The following FLCN variants were observed in gnomAD, a reference collection of about 807,000 sequenced individuals.
The protein encoded by FLCN is folliculin, also known as BHD skin lesion fibrofolliculoma protein.
FLCN carries 22 observed loss-of-function variants against 62.5 expected under a neutral mutation model. That is an observed-to-expected ratio of 0.35 (90% CI 0.25 to 0.50). The LOEUF (loss-of-function observed/expected upper bound fraction) is 0.50, where lower values mean the gene tolerates loss of function less well. Ranked by LOEUF, FLCN falls within the 20% of genes least tolerant of loss-of-function variation. The pLI, the probability that FLCN is intolerant of heterozygous loss-of-function variation, is 0.97. For missense variants in FLCN, 657 were observed against 778.0 expected, an observed-to-expected ratio of 0.84 and a Z score of 1.85; for synonymous variants, 319 against 310.0, an observed-to-expected ratio of 1.03 and a Z score of -0.30.
At chr17:17,218,515 G>C (rs1597590060) in intron 9 of FLCN, among the ~76,000 whole-genome samples, 1 of 151,666 alleles carries the variant, frequency 6.6e-6, no homozygotes, top group East Asian at 1.9e-4. Context: ...CCTCCAAGTA[G>C]CTGGGACTAC....
In FLCN at chr17:17,216,639, A is replaced by C; in HGVS notation, c.1177-136T>G. On this transcript the variant is annotated intron_variant, in intron 10 of 13. Transcript: ENST00000285071. This position sits in a 1 kb window ranked among gnomAD's most constrained non-coding sequence, Gnocchi z 4.0. ...TCCCTCCTGCCAGAGGAGTCCCCAG[A>C]CTCTCAGCCCACAGTGGGGGTGAGG... is the stretch of plus-strand genomic sequence containing the variant. 7.2e-7 allele frequency: 1 copy of C among 1,392,076 alleles called. No homozygotes were observed. Among genetic ancestry groups the C allele is most frequent in the African/African-American group, 1.4e-5 (1 of 70,130 alleles). The allele number at this position is 1,392,076 out of a possible 1,614,324, so 86.2% of individuals were successfully genotyped here.
Position 17,226,230 on chromosome 17 carries a change from G to T in FLCN, c.342C>A (p.His114Gln), listed in dbSNP as rs1448942524. 4 of 1,614,050 alleles carry T rather than the reference G, an allele frequency of 2.5e-6. No individual in the cohort carries two copies. In the East Asian group the frequency reaches 8.9e-5, roughly 36 times the overall value. Residue 114 changes from histidine (H) to glutamine (Q), a missense_variant, in exon 5 of 14, where the codon CAC (histidine) becomes CAA (glutamine). By Grantham distance (24) the His-to-Gln change is conservative. Coordinates refer to ENST00000285071, the MANE Select transcript of FLCN (RefSeq NM_144997.7). The stretch of plus-strand genomic sequence containing the variant: ...GGCGGACAATGCTGAAGAGCTGGGG[G>T]TGGCTGGGGTGCTGGTGGCTGACGT... ...IKYVSHQHPS[H>Q]PQLFSIVRQA...
chr17:17,216,921 C>T lies in FLCN; in HGVS notation c.1176+148G>A. 4.2e-6 allele frequency: 3 copies of T among 707,268 alleles called. No homozygotes were observed. The Admixed American group carries it at 6.1e-5, about 14-fold the overall frequency. The allele number at this position is 707,268 out of a possible 1,614,324, so 43.8% of individuals were successfully genotyped here. On this transcript the variant is annotated intron_variant, in intron 10 of 13. Transcript: ENST00000285071. The surrounding 1 kb of genome is among the most constrained non-coding windows in gnomAD (Gnocchi z 4.0). ...AAACATCATCAGACCAGACCCGGGTCTCCGTGCCCACTGCGCCCCCAGTGG... is the reference window on the plus strand; with the variant it reads ...AAACATCATCAGACCAGACCCGGGTTTCCGTGCCCACTGCGCCCCCAGTGG...
intron 3 of FLCN, among the ~76,000 whole-genome samples, chr17:17,231,013 A>G (rs2047405464): frequency 2.0e-5 from 3 of 152,118 alleles, no homozygotes; most frequent in African/African-American, 4.8e-5. Flanking sequence ...CCTGGCCAAC[A>G]TGGCAAAACC....
At chr17:17,228,526 C>T (rs181549149) in intron 3 of FLCN, 80 of 284,940 alleles carry the variant, frequency 2.8e-4, no homozygotes, top group African/African-American at 1.6e-3. Context: ...TAAAAGGCCA[C>T]AGGGAGAGGG....
Position 17,216,468 on chromosome 17 carries a change from T to C in FLCN, c.1212A>G (p.Pro404=). The C allele has an allele frequency of 1.2e-6, 2 of 1,613,796 alleles. No individual in the cohort carries two copies. The highest frequency in any genetic ancestry group is 8.5e-7 in the Non-Finnish European group (1 of 1,179,892). The change falls in exon 11 of 14, where the codon CCA becomes CCG. Residue 404 remains proline, a synonymous_variant. Transcript: ENST00000285071. The surrounding 1 kb of genome is among the most constrained non-coding windows in gnomAD (Gnocchi z 4.0). ...AGGCCTCCTCGTACTGGCTGCTGTATGGGATGATGCGGACGCAGCCCACGG... is the reference window on the plus strand; with the variant it reads ...AGGCCTCCTCGTACTGGCTGCTGTACGGGATGATGCGGACGCAGCCCACGG... ...MLPVGCVRII[P]YSSQYEEAYR...
intron 6 of FLCN, chr17:17,223,088 A>T: frequency 3.5e-6 from 1 of 282,470 alleles, no homozygotes; most frequent in South Asian, 3.6e-5. Context: ...AAGGAGCAAC[A>T]TTTTTTCCTT....
rs370074267 is a variant in FLCN at position 17,222,636 on chromosome 17, C to T, written c.644G>A (p.Cys215Tyr). Residue 215 changes from cysteine to tyrosine, a missense_variant, in exon 7 of 14, where the codon TGC becomes TAC. Cys to Tyr is a radical substitution (Grantham distance 194). Coordinates refer to ENST00000285071, the MANE Select transcript of FLCN (RefSeq NM_144997.7). ...GTTCATCCTCTGAGCACGCTGTGGGCATCCAAACTGCTCTGCCTCAAACAC... is the reference window on the plus strand; with the variant it reads ...GTTCATCCTCTGAGCACGCTGTGGGTATCCAAACTGCTCTGCCTCAAACAC... ...LKVFEAEQFG[C>Y]PQRAQRMNTA... is the part of the protein sequence containing the mutation. 3 of 1,614,084 alleles carry T rather than the reference C, an allele frequency of 1.9e-6. No homozygotes were observed. The African/African-American group carries it at 4.0e-5, about 22-fold the overall frequency.
intron 3 of FLCN, chr17:17,228,541 C>A: frequency 3.7e-6 from 1 of 269,170 alleles, no homozygotes; most frequent in Non-Finnish European, 7.3e-6. Context: ...AGAGGGTCCT[C>A]CACCCAATAC....
chr17:17,223,098 T>G, intron 6 of FLCN: 1 of 301,038 alleles, frequency 3.3e-6, no homozygotes, highest in Non-Finnish European at 6.6e-6. Flanking sequence ...ATTTTTTCCT[T>G]TCTTTTTTTT....
At position 17,223,996 on chromosome 17, in the gene FLCN, G is replaced by A. The variant is rs749368513; in HGVS notation, c.544C>T (p.Leu182Phe). 2 of 1,613,716 alleles carry A rather than the reference G, an allele frequency of 1.2e-6. No individual in the cohort carries two copies. Among genetic ancestry groups the A allele is most frequent in the Admixed American group, 3.3e-5 (2 of 60,026 alleles). ...AGCAGGAAGGGCCAGGAGTTGATGA[G>A]GTAGATCCGGTCCATCATGATGGTG... is the stretch of plus-strand genomic sequence containing the variant. ...IITIMMDRIY[L>F]INSWPFLLGK... Residue 182 changes from leucine (L) to phenylalanine (F), a missense_variant, in exon 6 of 14, where the codon CTC becomes TTC. By Grantham distance (22) the Leu-to-Phe change is conservative. Coordinates refer to ENST00000285071, the MANE Select transcript of FLCN (RefSeq NM_144997.7).
intron 3 of FLCN, among the ~76,000 whole-genome samples, chr17:17,231,180 A>G (rs2145089978): frequency 6.6e-6 from 1 of 152,354 alleles, no homozygotes; most frequent in African/African-American, 2.4e-5. Flanking sequence ...AGCCTGGGCG[A>G]CAGAGAGACT....
At position 17,216,300 on chromosome 17, in the gene FLCN, G is replaced by C. The variant is rs1034739750; in HGVS notation, c.1300+80C>G. ...GGCCTCCTCTCCACAACCCATGACA[G>C]AGATCTGGTTCCACTTTGGGCCTGA... On this transcript the variant is annotated intron_variant, in intron 11 of 13. Coordinates refer to ENST00000285071, the MANE Select transcript of FLCN (RefSeq NM_144997.7). The surrounding 1 kb of genome is among the most constrained non-coding windows in gnomAD (Gnocchi z 4.0). The C allele has an allele frequency of 6.3e-7, 1 of 1,592,474 alleles. No individual in the cohort carries two copies. The highest frequency in any genetic ancestry group is 8.6e-7 in the Non-Finnish European group (1 of 1,168,280).
rs761984486 is a variant in FLCN at position 17,219,091 on chromosome 17, G to C, written c.990C>G (p.Ser330=). The change falls in exon 9 of 14, where the codon TCC becomes TCG. Residue 330 remains serine (S), a synonymous_variant. Transcript: ENST00000285071. ...GCCAGCTCCCACAGCCTGAGAGAGA[G>C]GAGGACTCTGCCGGGCCCTGGGTCA... is the stretch of plus-strand genomic sequence containing the variant. ...RELTQGPAES[S]SLSGCGSWQP... The C allele has an allele frequency of 1.2e-6, 2 of 1,614,152 alleles. No homozygotes were observed. The highest frequency in any genetic ancestry group is 1.7e-6 in the Non-Finnish European group (2 of 1,180,034).
intron 11 of FLCN, among the ~76,000 whole-genome samples, chr17:17,215,623 C>T (rs1423534002): frequency 6.6e-6 from 1 of 152,222 alleles, no homozygotes; most frequent in Non-Finnish European, 1.5e-5. Context: ...TGACCCTATT[C>T]TACAGATGGG....
Position 17,227,959 on chromosome 17 carries a change from G to A in FLCN, c.179C>T (p.Ala60Val), listed in dbSNP as rs779900587. ...GCTGGCCCCCTCTGCGGGGCTGTGCGCACGCATCCGACTGTTCATCTGAAT... is the reference window on the plus strand; with the variant it reads ...GCTGGCCCCCTCTGCGGGGCTGTGCACACGCATCCGACTGTTCATCTGAAT... Reference protein sequence around the residue: ...GGIQMNSRMRAHSPAEGASVE... With the variant: ...GGIQMNSRMRVHSPAEGASVE... The change falls in exon 4 of 14, where the codon GCG becomes GTG. Residue 60 changes from alanine (A) to valine (V), a missense_variant. Ala to Val is a moderately conservative substitution (Grantham distance 64). Coordinates refer to ENST00000285071, the MANE Select transcript of FLCN (RefSeq NM_144997.7). 51 of 1,614,040 alleles carry A rather than the reference G, an allele frequency of 3.2e-5. No homozygotes were observed. The highest frequency in any genetic ancestry group is 3.3e-4 in the Middle Eastern group (2 of 6,084).
In FLCN at chr17:17,213,591, T is replaced by C; in HGVS notation, c.*64A>G. 6.2e-7 allele frequency: 1 copy of C among 1,603,128 alleles called. No individual in the cohort carries two copies. The stretch of plus-strand genomic sequence containing the variant: ...GTTGAGAAACTCAAGGGACAGTCCC[T>C]CTCACGGGGCTGGAGGATCCTGTGG... On this transcript the variant is annotated 3_prime_UTR_variant, in exon 14 of 14. Coordinates refer to ENST00000285071, the MANE Select transcript of FLCN (RefSeq NM_144997.7).
chr17:17,215,400 G>A lies in FLCN; in HGVS notation c.1301-84C>T, dbSNP rs182155450. On this transcript the variant is annotated intron_variant, in intron 11 of 13. Coordinates refer to ENST00000285071, the MANE Select transcript of FLCN (RefSeq NM_144997.7). Reference sequence around the variant, plus strand: ...GCTAGCCCACCGTGGGCCCCACTCCGCTCATCCCAGGTCAGTGGGGAAGGC... The same window carrying A: ...GCTAGCCCACCGTGGGCCCCACTCCACTCATCCCAGGTCAGTGGGGAAGGC... The A allele has an allele frequency of 1.2e-4, 190 of 1,599,374 alleles. No individual in the cohort carries two copies. In the African/African-American group the frequency reaches 2.0e-3, roughly 17 times the overall value.
intron 1 of FLCN, among the ~76,000 whole-genome samples, chr17:17,235,135 G>C (rs1462419496): frequency 6.8e-6 from 1 of 148,120 alleles, no homozygotes; most frequent in East Asian, 2.0e-4. Context: ...AAAAAAGCCA[G>C]GCATGGTGGT....
Sources: gnomAD v4.1 joint callset for allele counts (sites outside exome capture counted in the v4.1 genomes callset) on GRCh38, gnomAD v4.1.1 for gene constraint, Gnocchi (gnomAD v3.1) non-coding constraint, MANE v1.5 for transcripts, NCBI Gene and HGNC (gene_info 2026-07-23, HGNC 2026-07-21) for gene names.